Variants in EIF4B observed in about 807,000 individuals in gnomAD.
EIF4B encodes the protein eukaryotic translation initiation factor 4B.
EIF4B carries 8 observed loss-of-function variants against 79.3 expected under a neutral mutation model. That is an observed-to-expected ratio of 0.10 (90% CI 0.06 to 0.18). The LOEUF (loss-of-function observed/expected upper bound fraction) is 0.18. Among genes scored for constraint, EIF4B ranks in the 10% least tolerant of loss-of-function variants. The pLI, the probability that EIF4B is intolerant of heterozygous loss-of-function variation, is 1.00. For missense variants in EIF4B, 515 were observed against 792.4 expected (o/e 0.65, Z 4.20); for synonymous variants, 238 against 274.7 (o/e 0.87, Z 1.32).
rs1028997410 is a variant in EIF4B, at chr12:53,037,338, C to T, written c.1307-71C>T. The T allele has an allele frequency of 3.2e-5, 49 of 1,520,026 alleles. 2 individuals are homozygous for T. In the African/African-American group the frequency reaches 4.0e-4, roughly 12 times the overall value. The allele number at this position is 1,520,026 out of a possible 1,614,324, so 94.2% of individuals were successfully genotyped here. ...ACTTGGATGTGGACCATTTTCCACA[C>T]TGTTGAGATCCTGGTAGATGCGTGA... On this transcript the variant is annotated intron_variant, in intron 10 of 14. Coordinates refer to ENST00000262056, the MANE Select transcript of EIF4B (RefSeq NM_001417.7).
chr12:53,028,308 G>A, intron 8 of EIF4B, 120 bp downstream of exon 8: 1 of 1,333,614 alleles, frequency 7.5e-7, no homozygotes, highest in South Asian at 1.5e-5. Flanking sequence ...TGTACAGGAA[G>A]CAGCAAAGCA....
intron 1 of EIF4B, among the ~76,000 whole-genome samples, chr12:53,014,246 TAAAA>T (rs776521252): frequency 2.7e-4 from 36 of 133,280 alleles, no homozygotes; most frequent in Non-Finnish European, 3.9e-4. Context: ...ACTGTGAAAC[TAAAA>T]AAAAAAAAAA....
At chr12:53,038,272 C>A in intron 11 of EIF4B, 84 bp from the exon 12 acceptor site, 1 of 1,223,408 alleles carries the variant, frequency 8.2e-7, no homozygotes, top group Non-Finnish European at 1.1e-6. Flanking sequence ...AAAGCTTACC[C>A]ACTGCATTTG....
chr12:53,021,864 A>G lies in EIF4B; in HGVS notation c.532+4A>G. 6.2e-7 allele frequency: 1 copy of G among 1,614,214 alleles called. No homozygotes were observed. The highest frequency in any genetic ancestry group is 8.5e-7 in the Non-Finnish European group (1 of 1,180,032). ...GCTGATCAAGCACAGGATAAAGGTA[A>G]GGAAACTGGTAGAGATTTCTGTTTG... is the stretch of plus-strand genomic sequence containing the variant. On this transcript the variant is annotated splice_donor_region_variant and intron_variant, in intron 5 of 14. Coordinates refer to ENST00000262056, the MANE Select transcript of EIF4B (RefSeq NM_001417.7).
chr12:53,021,352 T>C (rs1364044659), intron 4 of EIF4B, among the ~76,000 whole-genome samples: 1 of 152,194 alleles, frequency 6.6e-6, no homozygotes, highest in Admixed American at 6.5e-5. Flanking sequence ...AGGCTGGATT[T>C]GAACTCCTGG....
intron 9 of EIF4B, 124 bp from the exon 10 acceptor site, chr12:53,034,488 G>C (rs572930477): frequency 1.1e-6 from 1 of 891,862 alleles, no homozygotes; most frequent in East Asian, 2.4e-5. Context: ...TTGAGGGAAA[G>C]ATAAATTTAT....
chr12:53,006,785 G>A (rs529657063), intron 1 of EIF4B, among the ~76,000 whole-genome samples: 2 of 152,134 alleles, frequency 1.3e-5, no homozygotes, highest in African/African-American at 4.8e-5. Context: ...GCGCAGAAAG[G>A]TGTGCGGGTG....
chr12:53,028,645 A>G (rs924474038), intron 8 of EIF4B, among the ~76,000 whole-genome samples: 1 of 151,848 alleles, frequency 6.6e-6, no homozygotes, highest in African/African-American at 2.4e-5. Context: ...TCACAGATAG[A>G]TTTTTCAGTT....
rs374072301 is a variant in EIF4B at position 53,034,652 on chromosome 12, C to T, written c.1249C>T (p.Arg417Trp). ...WRSEETQERERSRTGSESSQT... is the reference protein window; with the variant it reads ...WRSEETQEREWSRTGSESSQT... ...AAGTGAAGAAACTCAGGAACGGGAA[C>T]GGTCGAGGACAGGAAGTGAGTCATC... is the stretch of plus-strand genomic sequence containing the variant. The change falls in exon 10 of 15, where the codon CGG (arginine) becomes TGG (tryptophan). Residue 417 changes from arginine (R) to tryptophan (W), a missense_variant. By Grantham distance (101) the Arg-to-Trp change is moderately radical. This residue lies in a region of EIF4B where 146 missense variants were observed against 228.0 expected (regional missense o/e 0.64). Transcript: ENST00000262056. 1.3e-5 allele frequency: 21 copies of T among 1,613,856 alleles called. No homozygotes were observed. The Middle Eastern group carries it at 6.6e-4, about 51-fold the overall frequency.
intron 1 of EIF4B, among the ~76,000 whole-genome samples, chr12:53,012,960 C>A (rs1012687296): frequency 6.6e-6 from 1 of 152,224 alleles, no homozygotes; most frequent in South Asian, 2.1e-4. Context: ...GAGGGGGAGA[C>A]TTGTGATTTG....
In EIF4B at chr12:53,038,366, A is replaced by G; in HGVS notation, c.1531A>G (p.Lys511Glu). 6.3e-7 allele frequency: 1 copy of G among 1,597,542 alleles called. No homozygotes were observed. Residue 511 changes from lysine (K) to glutamate (E), a missense_variant, in exon 12 of 15, where the codon AAA becomes GAA. Physicochemically the swap from Lys to Glu is moderately conservative, Grantham distance 56. Coordinates refer to ENST00000262056, the MANE Select transcript of EIF4B (RefSeq NM_001417.7). ...CTGTTTTCCTTCTAGTGGTGGGGGA[A>G]AAGTAGCTCCAGCTCAACCATCTGA... is the stretch of plus-strand genomic sequence containing the variant. ...EQQSPTSGGGKVAPAQPSEEG... is the reference protein window; with the variant it reads ...EQQSPTSGGGEVAPAQPSEEG...
chr12:53,036,993 G>T (rs4919698), intron 10 of EIF4B, among the ~76,000 whole-genome samples: 126,149 of 152,198 alleles, frequency 0.83, 54,016 homozygotes, highest in East Asian at 0.97. Context: ...GCCAGTAGGT[G>T]GTTTTTCATA....
chr12:53,034,906 TTAA>T (rs766939884), intron 10 of EIF4B, among the ~76,000 whole-genome samples, 197 bp downstream of exon 10: 9 of 151,774 alleles, frequency 5.9e-5, no homozygotes, highest in Admixed American at 1.3e-4. Flanking sequence ...GATGATCTGC[TTAA>T]TAATCTACCA....
chr12:53,038,433 T>C (rs755237287), intron 12 of EIF4B, 22 bp downstream of exon 12: 3 of 1,565,316 alleles, frequency 1.9e-6, no homozygotes, highest in South Asian at 1.2e-5. Context: ...GTATGGGAAA[T>C]AGGTTTTTCA....
chr12:53,027,136 AATT>A (rs1199225858), intron 6 of EIF4B, among the ~76,000 whole-genome samples: 5 of 29,498 alleles, frequency 1.7e-4, no homozygotes, highest in Non-Finnish European at 2.4e-4. Context: ...AAAAAAAAAA[AATT>A]TTTTTTTTTT....
chr12:53,031,509 C>G (rs2120962989), intron 8 of EIF4B, among the ~76,000 whole-genome samples: 1 of 152,284 alleles, frequency 6.6e-6, no homozygotes, highest in African/African-American at 2.4e-5. Flanking sequence ...CTTCCAAGTT[C>G]AAGTGATCCA....
At chr12:53,033,084 A>C (rs1439118189) in intron 8 of EIF4B, among the ~76,000 whole-genome samples, 1 of 151,310 alleles carries the variant, frequency 6.6e-6, no homozygotes, top group African/African-American at 2.4e-5. Flanking sequence ...CAGTGGTGCG[A>C]TCCTGGCTCA....
intron 4 of EIF4B, 59 bp downstream of exon 4, chr12:53,020,085 G>T: frequency 7.1e-7 from 1 of 1,402,110 alleles, no homozygotes; most frequent in Non-Finnish European, 9.8e-7. Flanking sequence ...CATGTTTATT[G>T]ATCAAACTGG....
rs141882162 is a variant in EIF4B at position 53,027,819 on chromosome 12, T to C, written c.705T>C (p.Asp235=). Residue 235 remains aspartate, a synonymous_variant, in exon 7 of 15, where the codon GAT becomes GAC. Transcript: ENST00000262056. ...RDRYDSDRYR[D]GYRDGYRDGP... ...GTTATGATTCAGACCGGTATCGGGA[T>C]GGGTATCGGGATGGGTATCGGGATG... The C allele has an allele frequency of 3.0e-5, 49 of 1,608,892 alleles. No homozygotes were observed. In the African/African-American group the frequency reaches 6.3e-4, roughly 21 times the overall value.
Sources: gnomAD v4.1 joint callset for allele counts (sites outside exome capture counted in the v4.1 genomes callset) on GRCh38, gnomAD v4.1.1 for gene constraint, gnomAD v4.1.1 regional missense constraint, MANE v1.5 for transcripts, NCBI Gene and HGNC (gene_info 2026-07-23, HGNC 2026-07-21) for gene names.